The following VPS16 variants were observed in gnomAD, a reference collection of about 807,000 sequenced individuals.
VPS16 encodes the protein VPS16 core subunit of CORVET and HOPS complexes.
In VPS16, 82 loss-of-function variants were observed where a neutral mutation model predicts 116.0. That is an observed-to-expected ratio of 0.71 (90% CI 0.59 to 0.85). The LOEUF (loss-of-function observed/expected upper bound fraction) is 0.85, where lower values mean the gene tolerates loss of function less well. VPS16 is among the 40% of genes least tolerant of loss of function. VPS16 has a pLI of 0.00. For synonymous variants in VPS16, 406 were observed against 420.7 expected (o/e 0.96, Z 0.43); for missense variants, 928 against 1,090.6 (o/e 0.85, Z 2.10).
chr20:2,862,368 T>G lies in VPS16; in HGVS notation c.1072-211T>G, dbSNP rs2089239973. 7.9e-6 allele frequency: 9 copies of G among 1,133,634 alleles called. No individual in the cohort carries two copies. In the South Asian group the frequency reaches 1.3e-4, roughly 17 times the overall value. 70.2% of individuals were successfully genotyped at this position (1,133,634 alleles called of 1,614,324 possible). A position where few individuals can be genotyped will look rare whatever the true frequency, so the allele number is the denominator to read the frequency against. On this transcript the variant is annotated intron_variant, in intron 11 of 23. Coordinates refer to ENST00000380445, the MANE Select transcript of VPS16 (RefSeq NM_022575.4). Reference sequence around the variant, plus strand: ...CAGTCTGGGTTACTATTGGGAGGAGTTCTCAAGGCCCCCCTAAAGGCAGCT... The same window carrying G: ...CAGTCTGGGTTACTATTGGGAGGAGGTCTCAAGGCCCCCCTAAAGGCAGCT...
At chr20:2,846,209 C>T (rs920299110) in intron 1 of VPS16, among the ~76,000 whole-genome samples, 5 of 150,640 alleles carry the variant, frequency 3.3e-5, no homozygotes, top group African/African-American at 7.3e-5. Context: ...ATCTGCCTCC[C>T]GGGTTCAAGT....
intron 1 of VPS16, among the ~76,000 whole-genome samples, chr20:2,845,528 C>CA (rs2089050007): frequency 6.9e-6 from 1 of 145,916 alleles, no homozygotes; most frequent in African/African-American, 2.5e-5. Flanking sequence ...ACTTTTTTTT[C>CA]AAAAAAGTCA....
At position 2,860,501 on chromosome 20, in the gene VPS16, G is replaced by T; in HGVS notation, c.422G>T (p.Gly141Val). Residue 141 changes from glycine to valine, a missense_variant, in exon 5 of 24, where the codon GGT (glycine) becomes GTT (valine). Gly to Val is a moderately radical substitution (Grantham distance 109, BLOSUM62 -3). Coordinates refer to ENST00000380445, the MANE Select transcript of VPS16 (RefSeq NM_022575.4). This position sits in a 1 kb window ranked among gnomAD's most constrained non-coding sequence, Gnocchi z 6.1. ...LDARIFHTEF[G>V]SGVAILTGAH... is the part of the protein sequence containing the mutation. ...GCCCGGATCTTTCACACTGAGTTTG[G>T]TTCCGGAGTGGCCATCCTCACAGGG... 6.2e-7 allele frequency: 1 copy of T among 1,614,016 alleles called. No homozygotes were observed. The highest frequency in any genetic ancestry group is 1.1e-5 in the South Asian group (1 of 91,080).
At chr20:2,852,964 T>A (rs1236686759) in intron 1 of VPS16, among the ~76,000 whole-genome samples, 1 of 152,230 alleles carries the variant, frequency 6.6e-6, no homozygotes, top group Admixed American at 6.6e-5. Flanking sequence ...TAGCATTTTA[T>A]CCAAAATAGA....
chr20:2,853,869 C>A (rs1048447095), intron 1 of VPS16, among the ~76,000 whole-genome samples: 1 of 152,030 alleles, frequency 6.6e-6, no homozygotes, highest in Non-Finnish European at 1.5e-5. Context: ...GACAGGGTTT[C>A]ACCGTGTTGG....
chr20:2,842,880 G>C (rs1374386621), intron 1 of VPS16, among the ~76,000 whole-genome samples: 104 of 146,142 alleles, frequency 7.1e-4, no homozygotes, highest in East Asian at 2.8e-3. Flanking sequence ...ATAGATAGAT[G>C]TATCTATCGA....
At chr20:2,862,766 A>G (rs2089249112) in intron 12 of VPS16, 41 bp from the exon 13 acceptor site, 1 of 1,612,552 alleles carries the variant, frequency 6.2e-7, no homozygotes. Flanking sequence ...TGGGATGGGC[A>G]GCAGGGAAGC....
At chr20:2,856,130 C>T (rs189943705) in intron 1 of VPS16, among the ~76,000 whole-genome samples, 1 of 152,114 alleles carries the variant, frequency 6.6e-6, no homozygotes, top group Admixed American at 6.6e-5. Context: ...TTCACTTGAA[C>T]AGTTAGAGGG....
At position 2,842,713 on chromosome 20, in the gene VPS16, TAG is replaced by T. The variant is rs139301931; in HGVS notation, c.53+1888_53+1889del. Among the ~76,000 whole-genome samples, 98 of 72,228 alleles carry T rather than the reference TAG, an allele frequency of 1.4e-3. 17 individuals are homozygous for T. The highest frequency in any genetic ancestry group is 7.9e-3 in the African/African-American group (82 of 10,384). 47.4% of individuals were successfully genotyped at this position (72,228 alleles called of 152,430 possible). A position where few individuals can be genotyped will look rare whatever the true frequency, so the allele number is the denominator to read the frequency against. On this transcript the variant is annotated intron_variant, in intron 1 of 23. Coordinates refer to ENST00000380445, the MANE Select transcript of VPS16 (RefSeq NM_022575.4). ...ACATCTAGATGTATCTATATATAGA[TAG>T]ACATATGGATGTATCTATCTATAGA... is the stretch of plus-strand genomic sequence containing the variant.
intron 1 of VPS16, among the ~76,000 whole-genome samples, chr20:2,842,708 ATAGATAGACATATGGATGTATCTATC>A (rs1479585218): frequency 2.2e-5 from 3 of 136,478 alleles, no homozygotes; most frequent in South Asian, 2.2e-4. Flanking sequence ...GTATCTATAT[ATAGATAGACATATGGATGTATCTATC>A]TATAGATACA....
At chr20:2,859,678 A>G (rs1420445347) in intron 1 of VPS16, 41 bp from the exon 2 acceptor site, 1 of 1,600,530 alleles carries the variant, frequency 6.2e-7, no homozygotes, top group Non-Finnish European at 8.6e-7. Context: ...ATACGGATGC[A>G]GGGTAATGAG....
intron 1 of VPS16, among the ~76,000 whole-genome samples, chr20:2,856,826 G>A (rs886829462): frequency 6.6e-6 from 1 of 152,074 alleles, no homozygotes. Context: ...GCACATTCCT[G>A]TGCCAAAATA....
chr20:2,842,192 C>G (rs981356749), intron 1 of VPS16, among the ~76,000 whole-genome samples: 2 of 152,150 alleles, frequency 1.3e-5, no homozygotes, highest in Non-Finnish European at 2.9e-5. Context: ...GTCCCAGGTA[C>G]TGGAGAGGCT....
intron 11 of VPS16, chr20:2,862,350 G>C: frequency 2.0e-6 from 2 of 1,020,302 alleles, no homozygotes; most frequent in South Asian, 3.4e-5. Flanking sequence ...ACCCAGTCTG[G>C]GTTACTATTG....
chr20:2,846,112 CTTTTTTTTTTTT>C (rs34440512), intron 1 of VPS16, among the ~76,000 whole-genome samples: 1 of 89,688 alleles, frequency 1.1e-5, no homozygotes, highest in East Asian at 3.5e-4. Context: ...CTGTACTCCG[CTTTTTTTTTTTT>C]TTTTTTTTTT....
chr20:2,863,942 C>A lies in VPS16; in HGVS notation c.1477-7C>A. The A allele has an allele frequency of 6.2e-7, 1 of 1,613,046 alleles. No individual in the cohort carries two copies. The highest frequency in any genetic ancestry group is 8.5e-7 in the Non-Finnish European group (1 of 1,179,208). On this transcript the variant is annotated splice_polypyrimidine_tract_variant and splice_region_variant and intron_variant, in intron 15 of 23. Coordinates refer to ENST00000380445, the MANE Select transcript of VPS16 (RefSeq NM_022575.4). The surrounding 1 kb of genome is among the most constrained non-coding windows in gnomAD (Gnocchi z 4.4). ...CAGATGTTTGTGACACCCCGCATCCCTTGCAGGTGCAACAGAAGGATGTCT... is the reference window on the plus strand; with the variant it reads ...CAGATGTTTGTGACACCCCGCATCCATTGCAGGTGCAACAGAAGGATGTCT...
chr20:2,859,110 C>A (rs1206543359), intron 1 of VPS16, among the ~76,000 whole-genome samples: 3 of 152,034 alleles, frequency 2.0e-5, no homozygotes, highest in African/African-American at 4.8e-5. Context: ...CCAGCCTGGG[C>A]AACATGGGGA....
chr20:2,857,497 G>C (rs2089183654), intron 1 of VPS16, among the ~76,000 whole-genome samples: 1 of 148,600 alleles, frequency 6.7e-6, no homozygotes, highest in Non-Finnish European at 1.5e-5. Context: ...TCTCTTAAAA[G>C]TTGTATTTCT....
Position 2,864,205 on chromosome 20 carries a change from G to T in VPS16, c.1638G>T (p.Gly546=). 6.2e-7 allele frequency: 1 copy of T among 1,614,186 alleles called. No individual in the cohort carries two copies. The highest frequency in any genetic ancestry group is 8.5e-7 in the Non-Finnish European group (1 of 1,180,036). The change falls in exon 17 of 24, where the codon GGG becomes GGT. Residue 546 remains glycine, a synonymous_variant. Coordinates refer to ENST00000380445, the MANE Select transcript of VPS16 (RefSeq NM_022575.4). The surrounding 1 kb of genome is among the most constrained non-coding windows in gnomAD (Gnocchi z 5.2). ...IKLLEYEPRS[G]EQVPLLLKMK... is the part of the protein sequence containing the mutation. ...TGCTGGAGTATGAGCCACGCTCAGGGGAGCAGGTACCCCTTCTCCTAAAGA... is the reference window on the plus strand; with the variant it reads ...TGCTGGAGTATGAGCCACGCTCAGGTGAGCAGGTACCCCTTCTCCTAAAGA...
Sources: gnomAD v4.1 joint callset for allele counts (sites outside exome capture counted in the v4.1 genomes callset) on GRCh38, gnomAD v4.1.1 for gene constraint, Gnocchi (gnomAD v3.1) non-coding constraint, MANE v1.5 for transcripts, NCBI Gene and HGNC (gene_info 2026-07-23, HGNC 2026-07-21) for gene names.